ZC3H6: variants seen among roughly 807,000 people sequenced by gnomAD.
ZC3H6 encodes zinc finger CCCH-type containing 6.
ZC3H6 carries 40 observed loss-of-function variants against 107.7 expected under a neutral mutation model. The ratio of observed to expected loss-of-function variants is 0.37; its 90% CI spans 0.29 to 0.48. ZC3H6 has a LOEUF of 0.48. ZC3H6 is among the 20% of genes least tolerant of loss of function. The pLI, the probability that ZC3H6 is intolerant of heterozygous loss-of-function variation, is 0.98. For missense variants in ZC3H6, 1,267 were observed against 1,410.4 expected (o/e 0.90, Z 1.63); for synonymous variants, 493 against 487.9 (o/e 1.01, Z -0.14).
rs1332917497 is a variant in ZC3H6, at chr2:112,324,427, A to C, written c.1616A>C (p.Asp539Ala). ...CAAGCTGGAGTGCTTGTTCAACCAG[A>C]CACATCTTTGACACCACCAAGTATG... ...QNQAGVLVQP[D>A]TSLTPPSMGG... Residue 539 changes from aspartate to alanine, a missense_variant, in exon 10 of 12, where the codon GAC becomes GCC. Physicochemically the swap from Asp to Ala is moderately radical, Grantham distance 126. Transcript: ENST00000409871. 1.2e-6 allele frequency: 2 copies of C among 1,613,846 alleles called. No individual in the cohort carries two copies. Among genetic ancestry groups the C allele is most frequent in the Non-Finnish European group, 1.7e-6 (2 of 1,179,900 alleles).
Position 112,333,022 on chromosome 2 carries a change from T to C in ZC3H6, c.*534T>C, listed in dbSNP as rs912449279. On this transcript the variant is annotated 3_prime_UTR_variant, in exon 12 of 12. Coordinates refer to ENST00000409871, the MANE Select transcript of ZC3H6 (RefSeq NM_198581.3). Reference sequence around the variant, plus strand: ...CAGTTCATGTTTAAGGGCATCACTTTTATTAGTATTGGCAATATTATTTGT... The same window carrying C: ...CAGTTCATGTTTAAGGGCATCACTTCTATTAGTATTGGCAATATTATTTGT... 3 of 152,720 alleles carry C rather than the reference T, an allele frequency of 2.0e-5. No individual in the cohort carries two copies. The highest frequency in any genetic ancestry group is 7.2e-5 in the African/African-American group (3 of 41,462). 9.5% of individuals were successfully genotyped at this position (152,720 alleles called of 1,614,324 possible).
chr2:112,278,947 T>G (rs1686477018), intron 1 of ZC3H6, among the ~76,000 whole-genome samples: 1 of 152,262 alleles, frequency 6.6e-6, no homozygotes, highest in Non-Finnish European at 1.5e-5. Context: ...GTGAACATTT[T>G]GCACAAGATT....
intron 1 of ZC3H6, among the ~76,000 whole-genome samples, chr2:112,276,251 G>GCCCCGC (rs1345160064): frequency 2.0e-5 from 3 of 148,894 alleles, no homozygotes; most frequent in Admixed American, 6.7e-5. Context: ...GCCAGCGCCG[G>GCCCCGC]CCCCGCCCCC....
At chr2:112,282,828 C>A (rs1686550190) in intron 1 of ZC3H6, among the ~76,000 whole-genome samples, 1 of 152,160 alleles carries the variant, frequency 6.6e-6, no homozygotes, top group Non-Finnish European at 1.5e-5. Context: ...TAAATGGCAT[C>A]GGCGCTGATA....
rs774479321 is a variant in ZC3H6 at position 112,332,360 on chromosome 2, C to CCAAGGCAGG, written c.3451_3459dup (p.Ala1151_Gln1153dup). The CCAAGGCAGG allele has an allele frequency of 5.6e-6, 9 of 1,613,758 alleles. No homozygotes were observed. The South Asian group carries it at 6.6e-5, about 12-fold the overall frequency. On this transcript the variant is annotated inframe_insertion, in exon 12 of 12. Coordinates refer to ENST00000409871, the MANE Select transcript of ZC3H6 (RefSeq NM_198581.3). ...CTTAATTAGGCCACAGTACAGTGAT[C>CCAAGGCAGG]CAAGGCAGGCAAGGCAGCCAGGACA...
At chr2:112,309,118 C>G (rs1676546561) in intron 3 of ZC3H6, among the ~76,000 whole-genome samples, 1 of 152,030 alleles carries the variant, frequency 6.6e-6, no homozygotes, top group African/African-American at 2.4e-5. Flanking sequence ...TTGGATTTGT[C>G]TAGATCCTTA....
intron 1 of ZC3H6, among the ~76,000 whole-genome samples, chr2:112,285,451 G>A (rs1428777331): frequency 6.6e-6 from 1 of 151,700 alleles, no homozygotes; most frequent in African/African-American, 2.4e-5. Context: ...CTGCCTCCCG[G>A]GTTCAAATTA....
At chr2:112,284,440 C>A (rs894421733) in intron 1 of ZC3H6, among the ~76,000 whole-genome samples, 1 of 151,100 alleles carries the variant, frequency 6.6e-6, no homozygotes, top group Non-Finnish European at 1.5e-5. Context: ...ATAGAGTAAA[C>A]TTCTGGCATA....
At chr2:112,309,742 A>G (rs1216389028) in intron 3 of ZC3H6, 143 bp from the exon 4 acceptor site, 20 of 718,664 alleles carry the variant, frequency 2.8e-5, no homozygotes, top group South Asian at 1.8e-4. Context: ...AGTATCATAG[A>G]TAAGTACTGA....
chr2:112,290,663 T>A (rs1371851231), intron 1 of ZC3H6, among the ~76,000 whole-genome samples: 1 of 152,250 alleles, frequency 6.6e-6, no homozygotes, highest in South Asian at 2.1e-4. Context: ...TTTTTTTTTT[T>A]TTTAGCTGGA....
Position 112,316,840 on chromosome 2 carries a change from CAACT to C in ZC3H6, c.864+257_864+260del, listed in dbSNP as rs575663934. Among the ~76,000 whole-genome samples the C allele has an allele frequency of 3.7e-4, 56 of 152,252 alleles. No individual in the cohort carries two copies. The South Asian group carries it at 0.011, about 30-fold the overall frequency. On this transcript the variant is annotated intron_variant, in intron 6 of 11. Transcript: ENST00000409871. ...TACGTGGCAAGTACTGTTCAAAGTA[CAACT>C]AATATTAAATGATTTAATCCTACAG...
chr2:112,302,565 A>G (rs543617873), intron 2 of ZC3H6, among the ~76,000 whole-genome samples: 1 of 152,288 alleles, frequency 6.6e-6, no homozygotes, highest in African/African-American at 2.4e-5. Flanking sequence ...AACTCTTTAA[A>G]GAGAATGCTC....
At position 112,334,042 on chromosome 2, in the gene ZC3H6, G is replaced by A. The variant is rs1677092915; in HGVS notation, c.*1554G>A. 6.6e-6 allele frequency: 1 copy of A among 152,040 alleles called. No homozygotes were observed. Among genetic ancestry groups the A allele is most frequent in the African/African-American group, 2.4e-5 (1 of 41,416 alleles). The allele number at this position is 152,040 out of a possible 1,614,324, so 9.4% of individuals were successfully genotyped here. A position where few individuals can be genotyped will look rare whatever the true frequency, so the allele number is the denominator to read the frequency against. ...TCTGCCTACCTAAGAAGTTCATTGT[G>A]TTCTAAGTGGAAGGAGAGTTACTGA... On this transcript the variant is annotated 3_prime_UTR_variant, in exon 12 of 12. Coordinates refer to ENST00000409871, the MANE Select transcript of ZC3H6 (RefSeq NM_198581.3).
intron 1 of ZC3H6, among the ~76,000 whole-genome samples, chr2:112,282,842 T>C (rs1320902172): frequency 6.6e-6 from 1 of 152,194 alleles, no homozygotes; most frequent in Admixed American, 6.5e-5. Context: ...GCTGATAAAG[T>C]GATAATCTCA....
At chr2:112,301,782 T>G (rs1676383976) in intron 2 of ZC3H6, among the ~76,000 whole-genome samples, 1 of 151,222 alleles carries the variant, frequency 6.6e-6, no homozygotes, top group African/African-American at 2.4e-5. Context: ...TAAGCAGAAG[T>G]GAATGAATTA....
At chr2:112,319,366 C>T (rs1676759737) in intron 7 of ZC3H6, among the ~76,000 whole-genome samples, 1 of 152,006 alleles carries the variant, frequency 6.6e-6, no homozygotes, top group African/African-American at 2.4e-5. Context: ...AGGAAAGGGG[C>T]CAGGCACGGT....
chr2:112,294,363 T>A (rs760336080), intron 1 of ZC3H6, among the ~76,000 whole-genome samples: 4 of 152,234 alleles, frequency 2.6e-5, no homozygotes, highest in Non-Finnish European at 4.4e-5. Flanking sequence ...GAAATTTTGT[T>A]CTGTTGGTCT....
At position 112,290,436 on chromosome 2, in the gene ZC3H6, T is replaced by C. The variant is rs553036879; in HGVS notation, c.33-9413T>C. Reference sequence around the variant, plus strand: ...TTCCACACTTCCCTGACGGATGACTTTCCCCTGTTGTGTGTGCTCATAGCA... The same window carrying C: ...TTCCACACTTCCCTGACGGATGACTCTCCCCTGTTGTGTGTGCTCATAGCA... On this transcript the variant is annotated intron_variant, in intron 1 of 11. Transcript: ENST00000409871. Among the ~76,000 whole-genome samples, 22 of 152,402 alleles carry C rather than the reference T, an allele frequency of 1.4e-4. No individual in the cohort carries two copies. The East Asian group carries it at 3.3e-3, about 23-fold the overall frequency.
chr2:112,316,661 G>T (rs1676701691), intron 6 of ZC3H6, 75 bp downstream of exon 6: 1 of 958,898 alleles, frequency 1.0e-6, no homozygotes, highest in Non-Finnish European at 1.5e-6. Context: ...TTGGGGGATG[G>T]TTAATTTTTT....
Sources: allele counts gnomAD v4.1 joint callset (sites outside exome capture counted in the v4.1 genomes callset), GRCh38; gene constraint gnomAD v4.1.1; transcripts MANE v1.5; gene names NCBI Gene and HGNC (gene_info 2026-07-23, HGNC 2026-07-21).